The following SLC66A2 variants were observed in gnomAD, a reference collection of about 807,000 sequenced individuals.
SLC66A2 encodes the protein PQ loop repeat containing 1.
In SLC66A2, 23 loss-of-function variants were observed where a neutral mutation model predicts 25.5. The ratio of observed to expected loss-of-function variants is 0.90; its 90% CI spans 0.65 to 1.28. The LOEUF (loss-of-function observed/expected upper bound fraction) is 1.28, where lower values mean the gene tolerates loss of function less well. Among genes scored for constraint, SLC66A2 ranks in the 50% most tolerant of loss-of-function variants. SLC66A2 has a pLI of 0.00. For synonymous variants in SLC66A2, 193 were observed against 166.5 expected, an observed-to-expected ratio of 1.16 and a Z score of -1.23; for missense variants, 396 against 373.1, an observed-to-expected ratio of 1.06 and a Z score of -0.51.
At chr18:79,911,705 C>G (rs556786981) in intron 5 of SLC66A2, among the ~76,000 whole-genome samples, 2 of 152,200 alleles carry the variant, frequency 1.3e-5, no homozygotes, top group African/African-American at 2.4e-5. Context: ...CCCCCACCCC[C>G]CTAGCTACAT....
At position 79,927,401 on chromosome 18, in the gene SLC66A2, C is replaced by T. The variant is rs1986087114; in HGVS notation, c.391+6568G>A. Among the ~76,000 whole-genome samples, 2 of 152,104 alleles carry T rather than the reference C, an allele frequency of 1.3e-5. No individual in the cohort carries two copies. The highest frequency in any genetic ancestry group is 2.9e-5 in the Non-Finnish European group (2 of 68,034). Reference sequence around the variant, plus strand: ...CAGGAGAGCACAGACAAGAGGCCCCCGAGGCCACCAGGGCCGACTTTTACT... The same window carrying T: ...CAGGAGAGCACAGACAAGAGGCCCCTGAGGCCACCAGGGCCGACTTTTACT... On this transcript the variant is annotated intron_variant, in intron 4 of 5. Coordinates refer to ENST00000397778, the MANE Select transcript of SLC66A2 (RefSeq NM_025078.5). The surrounding 1 kb of genome is among the most constrained non-coding windows in gnomAD (Gnocchi z 6.2).
In SLC66A2 at chr18:79,948,979, C is replaced by T. The variant is rs778569037; in HGVS notation, c.203+1745G>A. Among the ~76,000 whole-genome samples the T allele has an allele frequency of 2.2e-4, 33 of 152,272 alleles. 1 individual carries two copies. Among genetic ancestry groups the T allele is most frequent in the Admixed American group, 1.5e-3 (23 of 15,294 alleles). On this transcript the variant is annotated intron_variant, in intron 2 of 5. Transcript: ENST00000397778. ...CCGCCAGCCACGTCTCCAAAGCAGG[C>T]GATGGGAAAGAAAGAAGGAGTCTCC...
intron 4 of SLC66A2, among the ~76,000 whole-genome samples, chr18:79,926,003 C>T (rs1285172222): frequency 6.6e-6 from 1 of 152,184 alleles, no homozygotes; most frequent in Non-Finnish European, 1.5e-5. Flanking sequence ...CGGACAAAAC[C>T]CACCAAAACC....
intron 5 of SLC66A2, among the ~76,000 whole-genome samples, chr18:79,914,275 G>A (rs535276055): frequency 1.4e-4 from 22 of 152,292 alleles, no homozygotes; most frequent in African/African-American, 5.1e-4. Context: ...TCTTAAACAC[G>A]ACCCTGGAGA....
At chr18:79,907,337 T>TTTG (rs1555699282) in intron 5 of SLC66A2, among the ~76,000 whole-genome samples, 28 of 136,850 alleles carry the variant, frequency 2.0e-4, no homozygotes, top group Admixed American at 6.0e-4. Context: ...TTGTATAGTT[T>TTTG]TTTTTTTTTT....
At chr18:79,912,347 G>A (rs1432347782) in intron 5 of SLC66A2, among the ~76,000 whole-genome samples, 1 of 150,738 alleles carries the variant, frequency 6.6e-6, no homozygotes, top group African/African-American at 2.5e-5. Context: ...TCCCTCAGCT[G>A]AAGAACGAAG....
rs1981477079 is a variant in SLC66A2 at position 79,903,150 on chromosome 18, A to G, written c.*826T>C. ...GAAGGAAGGGGATCTCCGCCAGCAGAGCCCAAGAGTGGCGTGCAGACTGCA... is the reference window on the plus strand; with the variant it reads ...GAAGGAAGGGGATCTCCGCCAGCAGGGCCCAAGAGTGGCGTGCAGACTGCA... On this transcript the variant is annotated 3_prime_UTR_variant, in exon 6 of 6. Transcript: ENST00000397778. The G allele has an allele frequency of 1.3e-5, 2 of 152,354 alleles. No individual in the cohort carries two copies. Among genetic ancestry groups the G allele is most frequent in the South Asian group, 2.1e-4 (1 of 4,840 alleles). 9.4% of individuals were successfully genotyped at this position (152,354 alleles called of 1,614,324 possible). A position where few individuals can be genotyped will look rare whatever the true frequency, so the allele number is the denominator to read the frequency against.
At position 79,904,210 on chromosome 18, in the gene SLC66A2, C is replaced by T. The variant is rs571167735; in HGVS notation, c.609-27G>A. The T allele has an allele frequency of 5.4e-5, 86 of 1,606,634 alleles. No individual in the cohort carries two copies. Among genetic ancestry groups the T allele is most frequent in the South Asian group, 3.4e-4 (31 of 90,812 alleles). ...TGTGGAGACACAAGCAGGCGGTCAG[C>T]GGTGGGGAGGGCGGCGACCTGGGCT... On this transcript the variant is annotated intron_variant, in intron 5 of 5. Transcript: ENST00000397778. This position sits in a 1 kb window ranked among gnomAD's most constrained non-coding sequence, Gnocchi z 6.3.
At chr18:79,933,906 G>A in intron 4 of SLC66A2, 63 bp downstream of exon 4, 2 of 1,418,058 alleles carry the variant, frequency 1.4e-6, no homozygotes, top group Non-Finnish European at 2.0e-6. Context: ...ACAGGAGGAA[G>A]TACAGCTGCA....
At chr18:79,914,289 T>C (rs1207144342) in intron 5 of SLC66A2, among the ~76,000 whole-genome samples, 1 of 152,224 alleles carries the variant, frequency 6.6e-6, no homozygotes, top group East Asian at 1.9e-4. Context: ...CTGGAGATTA[T>C]ACAGGAAGCA....
intron 4 of SLC66A2, among the ~76,000 whole-genome samples, chr18:79,922,752 C>A (rs1985399888): frequency 6.7e-6 from 1 of 149,330 alleles, no homozygotes; most frequent in Non-Finnish European, 1.5e-5. Flanking sequence ...AGGGCCAGGG[C>A]ATGGGCTGCA....
At chr18:79,932,063 A>T (rs1156638972) in intron 4 of SLC66A2, among the ~76,000 whole-genome samples, 32 of 152,224 alleles carry the variant, frequency 2.1e-4, no homozygotes, top group Admixed American at 2.1e-3. Flanking sequence ...TTCTACAATT[A>T]TAATGGAAAT....
rs982781510 is a variant in SLC66A2 at position 79,903,682 on chromosome 18, A to G, written c.*294T>C. 2.4e-5 allele frequency: 10 copies of G among 414,214 alleles called. No homozygotes were observed. Among genetic ancestry groups the G allele is most frequent in the South Asian group, 2.1e-4 (6 of 28,502 alleles). 25.7% of individuals were successfully genotyped at this position (414,214 alleles called of 1,614,324 possible). A position where few individuals can be genotyped will look rare whatever the true frequency, so the allele number is the denominator to read the frequency against. On this transcript the variant is annotated 3_prime_UTR_variant, in exon 6 of 6. Transcript: ENST00000397778. The stretch of plus-strand genomic sequence containing the variant: ...CGCCCAATGTGTACCTTGGGCTCAG[A>G]CGGTGTTTCATAAGAGGAAATGGGG...
rs762354775 is a variant in SLC66A2, at chr18:79,904,087, C to T, written c.705G>A (p.Leu235=). ...GAPLQFSVCG[L]LQVLVDLAIL... The stretch of plus-strand genomic sequence containing the variant: ...TGGCCAGGTCCACCAGCACCTGCAG[C>T]AGGCCGCACACGGAGAACTGCAGAG... The change falls in exon 6 of 6, where the codon CTG becomes CTA. Residue 235 remains leucine (L), a synonymous_variant. Transcript: ENST00000397778. The surrounding 1 kb of genome is among the most constrained non-coding windows in gnomAD (Gnocchi z 6.3). 4 of 1,612,662 alleles carry T rather than the reference C, an allele frequency of 2.5e-6. No individual in the cohort carries two copies. In the South Asian group the frequency reaches 4.4e-5, roughly 18 times the overall value.
chr18:79,936,641 C>T (rs1987117686), intron 3 of SLC66A2, among the ~76,000 whole-genome samples: 1 of 152,176 alleles, frequency 6.6e-6, no homozygotes, highest in South Asian at 2.1e-4. Flanking sequence ...CAAATAACCC[C>T]TAAGAGGAAC....
intron 3 of SLC66A2, 41 bp downstream of exon 3, chr18:79,943,288 C>G: frequency 6.2e-7 from 1 of 1,607,120 alleles, no homozygotes; most frequent in Non-Finnish European, 8.5e-7. Flanking sequence ...CACCTACGCC[C>G]TGATTCCCTG....
intron 4 of SLC66A2, among the ~76,000 whole-genome samples, chr18:79,926,871 T>C (rs1207259116): frequency 1.3e-5 from 2 of 152,194 alleles, no homozygotes; most frequent in African/African-American, 2.4e-5. Flanking sequence ...TACAGGTTAC[T>C]GACCACAAGT....
chr18:79,910,719 T>C (rs1331834262), intron 5 of SLC66A2, among the ~76,000 whole-genome samples: 1 of 152,288 alleles, frequency 6.6e-6, no homozygotes, highest in Non-Finnish European at 1.5e-5. Flanking sequence ...GAGAATCTGC[T>C]GACTGTGTCT....
At chr18:79,932,801 A>T (rs1297548756) in intron 4 of SLC66A2, among the ~76,000 whole-genome samples, 1 of 152,218 alleles carries the variant, frequency 6.6e-6, no homozygotes, top group Non-Finnish European at 1.5e-5. Context: ...AAGAGATTGA[A>T]TTCGTAATTT....
Sources: gnomAD v4.1 joint callset for allele counts (sites outside exome capture counted in the v4.1 genomes callset) on GRCh38, gnomAD v4.1.1 for gene constraint, Gnocchi (gnomAD v3.1) non-coding constraint, MANE v1.5 for transcripts, NCBI Gene and HGNC (gene_info 2026-07-23, HGNC 2026-07-21) for gene names.